The following FAM120C variants were observed in gnomAD, a reference collection of about 807,000 sequenced individuals.
FAM120C encodes the protein family with sequence similarity 120 member C, also known as constitutive coactivator of PPAR-gamma-like protein 2.
FAM120C carries 14 observed loss-of-function variants against 71.2 expected under a neutral mutation model. The observed-to-expected ratio is 0.20, with a 90% confidence interval of 0.13 to 0.31. The LOEUF is 0.31. Ranked by LOEUF, FAM120C falls within the 10% of genes least tolerant of loss-of-function variation. The pLI is 1.00. For synonymous variants in FAM120C, 354 were observed against 353.2 expected (o/e 1.00, Z -0.03); for missense variants, 500 against 879.0 (o/e 0.57, Z 5.45).
intron 4 of FAM120C, among the ~76,000 whole-genome samples, chrX:54,145,437 C>G (rs1460390631): frequency 9.0e-6 from 1 of 111,455 alleles, no homozygotes; most frequent in Non-Finnish European, 1.9e-5. Flanking sequence ...GGCTAATATC[C>G]AGAATCTACA....
Position 54,159,102 on chromosome X carries a change from T to C in FAM120C, c.946+268A>G, listed in dbSNP as rs185469531. On this transcript the variant is annotated intron_variant, in intron 2 of 15. Coordinates refer to ENST00000375180, the MANE Select transcript of FAM120C (RefSeq NM_017848.6). ...TTGAGAATACTCTGCATAAAAGAGT[T>C]ATAAAATGTAGCAAAAGAAGGCGGC... is the stretch of plus-strand genomic sequence containing the variant. 8.9e-5 allele frequency among the ~76,000 whole-genome samples: 10 copies of C among 111,762 alleles called. No individual in the cohort carries two copies. In the South Asian group the frequency reaches 1.1e-3, roughly 13 times the overall value.
Position 54,151,253 on chromosome X carries a change from G to A in FAM120C, c.1150C>T (p.Gln384Ter). 8.3e-7 allele frequency: 1 copy of A among 1,210,970 alleles called. No individual in the cohort carries two copies. The highest frequency in any genetic ancestry group is 1.1e-6 in the Non-Finnish European group (1 of 895,181). ...GGGGAATGCTAACTTACCTGAGACT[G>A]TTTGAAAACATCCTTCCCAACTACA... ...LDVVGKDVFK[Q>*]SQSRTEDKIE... is the part of the protein sequence containing the mutation. The change falls in exon 4 of 16, where the codon CAG (glutamine) becomes TAG (stop). Residue 384 changes from glutamine to a stop codon, truncating the protein, a stop_gained. Coordinates refer to ENST00000375180, the MANE Select transcript of FAM120C (RefSeq NM_017848.6). LOFTEE classifies it high-confidence loss of function.
At chrX:54,105,403 G>A (rs1370267509) in intron 10 of FAM120C, among the ~76,000 whole-genome samples, 1 of 110,963 alleles carries the variant, frequency 9.0e-6, no homozygotes, top group Non-Finnish European at 1.9e-5. Context: ...TTGATGGAAC[G>A]TATCTCAAAA....
In FAM120C at chrX:54,077,939, C is replaced by T. The variant is rs868938013; in HGVS notation, c.3036+2293G>A. Among the ~76,000 whole-genome samples the T allele has an allele frequency of 1.1e-4, 6 of 55,305 alleles. No individual in the cohort carries two copies. In the South Asian group the frequency reaches 0.013, roughly 118 times the overall value. The allele number at this position is 55,305 out of a possible 115,157, so 48.0% of individuals were successfully genotyped here. On this transcript the variant is annotated intron_variant, in intron 15 of 15. Transcript: ENST00000375180. ...ACTAAGAGATCCAATAAGATCTACT[C>T]TTTTTTTTTTTTTTTTTTTTTTGAG...
At chrX:54,106,708 GA>G (rs1230408130) in intron 10 of FAM120C, among the ~76,000 whole-genome samples, 12 of 108,892 alleles carry the variant, frequency 1.1e-4, no homozygotes, top group Admixed American at 9.8e-4. Context: ...AAATTTATAA[GA>G]AAAAAAAACT....
intron 1 of FAM120C, among the ~76,000 whole-genome samples, chrX:54,178,277 TAC>T (rs2067329185): frequency 8.9e-6 from 1 of 112,156 alleles, no homozygotes; most frequent in African/African-American, 3.2e-5. Context: ...GCACTTAGCT[TAC>T]ACATTTGCCT....
At chrX:54,156,908 A>G (rs1204362597) in intron 3 of FAM120C, among the ~76,000 whole-genome samples, 1 of 104,813 alleles carries the variant, frequency 9.5e-6, no homozygotes, top group African/African-American at 3.5e-5. Context: ...AAAAAAAAAA[A>G]ATGAGCCAGG....
intron 4 of FAM120C, among the ~76,000 whole-genome samples, chrX:54,145,306 A>G (rs1202864202): frequency 5.8e-4 from 65 of 112,146 alleles, no homozygotes; most frequent in Middle Eastern, 4.6e-3. Context: ...AAAAGCCAAA[A>G]TAGACAAATG....
intron 9 of FAM120C, 81 bp from the exon 10 acceptor site, chrX:54,116,875 C>T (rs2066970570): frequency 9.5e-7 from 1 of 1,055,343 alleles, no homozygotes; most frequent in Non-Finnish European, 1.3e-6. Context: ...CATTGACAGG[C>T]TCCATTGCAT....
chrX:54,182,869 G>GGGC lies in FAM120C; in HGVS notation c.327_329dup (p.Pro111dup), dbSNP rs781789688. 191 of 1,130,983 alleles carry GGGC rather than the reference G, an allele frequency of 1.7e-4. 1 individual carries two copies. In the Middle Eastern group the frequency reaches 2.6e-3, roughly 16 times the overall value. 93.2% of individuals were successfully genotyped at this position (1,130,983 alleles called of 1,213,427 possible). ...GCACCCGGGCCCCGGGCAGCTGAGGGGGCGGCGGCGGCGGCAGCGGAGGGT... is the reference window on the plus strand; with the variant it reads ...GCACCCGGGCCCCGGGCAGCTGAGGGGGCGGCGGCGGCGGCGGCAGCGGAGGGT... On this transcript the variant is annotated inframe_insertion, in exon 1 of 16. Coordinates refer to ENST00000375180, the MANE Select transcript of FAM120C (RefSeq NM_017848.6).
chrX:54,145,078 G>T (rs1309854407), intron 4 of FAM120C, among the ~76,000 whole-genome samples: 1 of 111,846 alleles, frequency 8.9e-6, no homozygotes, highest in East Asian at 2.8e-4. Flanking sequence ...GGATTCCCTA[G>T]TTAATAAATG....
rs377133921 is a variant in FAM120C, at chrX:54,098,029, T to A, written c.2313-6603A>T. ...GCGTGAGCCACTGTGCCCGGCCTAT[T>A]TTTTTATATTACTTTTTTTTTTTTT... On this transcript the variant is annotated intron_variant, in intron 10 of 15. Coordinates refer to ENST00000375180, the MANE Select transcript of FAM120C (RefSeq NM_017848.6). Among the ~76,000 whole-genome samples the A allele has an allele frequency of 3.1e-4, 33 of 105,983 alleles. No homozygotes were observed. The East Asian group carries it at 9.7e-3, about 31-fold the overall frequency. The allele number at this position is 105,983 out of a possible 115,157, so 92.0% of individuals were successfully genotyped here. A position where few individuals can be genotyped will look rare whatever the true frequency, so the allele number is the denominator to read the frequency against.
chrX:54,080,242 C>A lies in FAM120C; in HGVS notation c.3026G>T (p.Gly1009Val), dbSNP rs782181996. The A allele has an allele frequency of 6.6e-6, 8 of 1,206,698 alleles. No individual in the cohort carries two copies. In the Admixed American group the frequency reaches 1.8e-4, roughly 27 times the overall value. The change falls in exon 15 of 16, where the codon GGA becomes GTA. Residue 1009 changes from glycine to valine, a missense_variant. Coordinates refer to ENST00000375180, the MANE Select transcript of FAM120C (RefSeq NM_017848.6). ...AAAAAAAATACTTACTTGCTTATTT[C>A]CTTTTTTGTGTCCCTTGGATCCTCT... ...TGRGSKGHKK[G>V]NKQGSSDGVS...
At chrX:54,172,820 T>C (rs2067295304) in intron 1 of FAM120C, among the ~76,000 whole-genome samples, 1 of 111,982 alleles carries the variant, frequency 8.9e-6, no homozygotes, top group Non-Finnish European at 1.9e-5. Context: ...TGTTTCCAGA[T>C]GGTACAATGC....
At chrX:54,130,133 GGGGAGAGGGAGA>G (rs1330618411) in intron 9 of FAM120C, among the ~76,000 whole-genome samples, 6 of 88,404 alleles carry the variant, frequency 6.8e-5, no homozygotes, top group South Asian at 6.2e-4. Context: ...GGGAGACCGT[GGGGAGAGGGAGA>G]GGGAGAGGGA....
At chrX:54,124,749 A>T (rs916852632) in intron 9 of FAM120C, among the ~76,000 whole-genome samples, 5 of 111,488 alleles carry the variant, frequency 4.5e-5, no homozygotes, top group East Asian at 2.8e-4. Flanking sequence ...CTCCCCACCG[A>T]CCTAGAAGCT....
chrX:54,094,406 C>G (rs1349561986), intron 10 of FAM120C, among the ~76,000 whole-genome samples: 1 of 107,939 alleles, frequency 9.3e-6, no homozygotes, highest in Non-Finnish European at 1.9e-5. Flanking sequence ...CTCCACTACT[C>G]CTTTTCTATG....
chrX:54,150,739 A>G (rs1483206242), intron 4 of FAM120C, among the ~76,000 whole-genome samples: 2 of 111,801 alleles, frequency 1.8e-5, no homozygotes, highest in African/African-American at 3.2e-5. Flanking sequence ...GAATGGGCTT[A>G]TATTACTTTA....
chrX:54,077,966 C>T (rs1296480275), intron 15 of FAM120C, among the ~76,000 whole-genome samples: 50 of 54,784 alleles, frequency 9.1e-4, no homozygotes, highest in Non-Finnish European at 1.6e-3. Context: ...TTTTTTGAGA[C>T]GGAGTCTCGC....
Sources: gnomAD v4.1 joint callset for allele counts (sites outside exome capture counted in the v4.1 genomes callset) on GRCh38, gnomAD v4.1.1 for gene constraint, MANE v1.5 for transcripts, NCBI Gene and HGNC (gene_info 2026-07-23, HGNC 2026-07-21) for gene names.